Variants in UROD observed in about 807,000 individuals in gnomAD.
The protein encoded by UROD is uroporphyrinogen III decarboxylase.
In UROD, 34 loss-of-function variants were observed where a neutral mutation model predicts 47.1. That is an observed-to-expected ratio of 0.72 (90% confidence interval 0.55 to 0.96). The LOEUF (loss-of-function observed/expected upper bound fraction) is 0.96, where lower values mean the gene tolerates loss of function less well. Ranked by LOEUF, UROD falls within the 40% of genes least tolerant of loss-of-function variation. UROD has a pLI of 0.00. For missense variants in UROD, 381 were observed against 471.8 expected (o/e 0.81, Z 1.78); for synonymous variants, 148 against 175.8 (o/e 0.84, Z 1.25).
Position 45,013,413 on chromosome 1 carries a change from T to C in UROD, c.276+59T>C, listed in dbSNP as rs1176887210. ...CAAGGACGCCTTGAAAATCCTTCTA[T>C]CAGTCCAGTCAAGGTTTACAATAAG... is the stretch of plus-strand genomic sequence containing the variant. On this transcript the variant is annotated intron_variant, in intron 4 of 9. Coordinates refer to ENST00000246337, the MANE Select transcript of UROD (RefSeq NM_000374.5). The surrounding 1 kb of genome is among the most constrained non-coding windows in gnomAD (Gnocchi z 4.2). The C allele has an allele frequency of 6.8e-6, 11 of 1,611,978 alleles. No homozygotes were observed. The highest frequency in any genetic ancestry group is 7.6e-6 in the Non-Finnish European group (9 of 1,178,250).
intron 9 of UROD, 25 bp downstream of exon 9, chr1:45,015,031 GTC>G: frequency 6.2e-7 from 1 of 1,612,766 alleles, no homozygotes; most frequent in Non-Finnish European, 8.5e-7. Context: ...CCCTCTGTGT[GTC>G]TGTTACTGTG....
At chr1:45,012,860 CCAGCGTAGCATACTGA>C in intron 1 of UROD, 31 bp from the exon 2 acceptor site, 1 of 1,610,216 alleles carries the variant, frequency 6.2e-7, no homozygotes, top group Non-Finnish European at 8.5e-7. Flanking sequence ...TCCCCAGCCT[CCAGCGTAGCATACTGA>C]CACCTACCCC....
intron 9 of UROD, 65 bp downstream of exon 9, chr1:45,015,071 C>T (rs1644838748): frequency 6.2e-7 from 1 of 1,606,116 alleles, no homozygotes; most frequent in African/African-American, 1.3e-5. Flanking sequence ...CTGTATTATT[C>T]TGTGTGCACT....
chr1:45,015,238 G>A, intron 9 of UROD, 99 bp from the exon 10 acceptor site: 1 of 1,527,542 alleles, frequency 6.5e-7, no homozygotes, highest in Non-Finnish European at 8.9e-7. Flanking sequence ...GAATAACACT[G>A]AGTAGAAGCA....
Position 45,013,762 on chromosome 1 carries a change from G to C in UROD, c.445G>C (p.Val149Leu). 16 of 1,614,190 alleles carry C rather than the reference G, an allele frequency of 9.9e-6. No individual in the cohort carries two copies. The highest frequency in any genetic ancestry group is 1.3e-5 in the Non-Finnish European group (15 of 1,180,038). ...TACCCGACAACGACTGGCTGGACGTGTGCCGCTGATTGGCTTTGCTGGTGC... is the reference window on the plus strand; with the variant it reads ...TACCCGACAACGACTGGCTGGACGTCTGCCGCTGATTGGCTTTGCTGGTGC... ...TLTRQRLAGRVPLIGFAGAPW... is the reference protein window; with the variant it reads ...TLTRQRLAGRLPLIGFAGAPW... Residue 149 changes from valine (V) to leucine (L), a missense_variant, in exon 5 of 10, where the codon GTG (valine) becomes CTG (leucine). By Grantham distance (32) the Val-to-Leu change is conservative. Coordinates refer to ENST00000246337, the MANE Select transcript of UROD (RefSeq NM_000374.5). The surrounding 1 kb of genome is among the most constrained non-coding windows in gnomAD (Gnocchi z 4.2).
Position 45,013,023 on chromosome 1 carries a change from A to C in UROD, c.133+4A>C. On this transcript the variant is annotated splice_donor_region_variant and intron_variant, in intron 2 of 9. Coordinates refer to ENST00000246337, the MANE Select transcript of UROD (RefSeq NM_000374.5). The surrounding 1 kb of genome is among the most constrained non-coding windows in gnomAD (Gnocchi z 4.2). ...CAGGCAGGCCGTTACTTACCAGGTA[A>C]GAGTCAGGGTCTGGAAATCTAGATA... The C allele has an allele frequency of 1.2e-6, 2 of 1,614,112 alleles. No individual in the cohort carries two copies. Among genetic ancestry groups the C allele is most frequent in the Non-Finnish European group, 1.7e-6 (2 of 1,179,990 alleles).
chr1:45,014,668 A>AAGTAC, intron 7 of UROD, 68 bp from the exon 8 acceptor site: 1 of 1,613,474 alleles, frequency 6.2e-7, no homozygotes. Flanking sequence ...AGGGCAGCAG[A>AAGTAC]AGTACAGTCA....
chr1:45,014,247 C>T, intron 6 of UROD, 177 bp downstream of exon 6: 2 of 1,286,652 alleles, frequency 1.6e-6, no homozygotes. Context: ...GCTTAATGCT[C>T]TAAGTATTCA....
At chr1:45,014,403 T>A in intron 6 of UROD, 36 bp from the exon 7 acceptor site, 1 of 1,613,918 alleles carries the variant, frequency 6.2e-7, no homozygotes, top group Non-Finnish European at 8.5e-7. Context: ...TTCCTCTTTG[T>A]GTGTTACATA....
chr1:45,013,472 G>A lies in UROD; in HGVS notation c.276+118G>A. The A allele has an allele frequency of 1.2e-6, 2 of 1,604,488 alleles. No individual in the cohort carries two copies. Among genetic ancestry groups the A allele is most frequent in the South Asian group, 2.2e-5 (2 of 90,716 alleles). On this transcript the variant is annotated intron_variant, in intron 4 of 9. Transcript: ENST00000246337. The surrounding 1 kb of genome is among the most constrained non-coding windows in gnomAD (Gnocchi z 4.2). ...CTAACTGGATCGAGGGAAAAACTAA[G>A]GTTGAAAGAAATGGAGTTTGGCAGA...
Position 45,014,573 on chromosome 1 carries a change from C to T in UROD, c.771C>T (p.Pro257=). ...GGGAGGCAGGCCTGGCACCAGTGCCCATGGTGAGGATTGGGATGGGTTGAG... is the reference window on the plus strand; with the variant it reads ...GGGAGGCAGGCCTGGCACCAGTGCCTATGGTGAGGATTGGGATGGGTTGAG... ...RLREAGLAPV[P]MIIFAKDGHF... Residue 257 remains proline (P), a synonymous_variant, in exon 7 of 10, where the codon CCC becomes CCT. Coordinates refer to ENST00000246337, the MANE Select transcript of UROD (RefSeq NM_000374.5). 1 of 1,614,168 alleles carries T rather than the reference C, an allele frequency of 6.2e-7. No individual in the cohort carries two copies. The highest frequency in any genetic ancestry group is 2.2e-5 in the East Asian group (1 of 44,880).
At position 45,014,800 on chromosome 1, in the gene UROD, T is replaced by C; in HGVS notation, c.839T>C (p.Val280Ala). 6.2e-7 allele frequency: 1 copy of C among 1,614,242 alleles called. No homozygotes were observed. The highest frequency in any genetic ancestry group is 1.7e-5 in the Admixed American group (1 of 60,032). ...CTGGCCCAAGCTGGCTATGAGGTGG[T>C]TGGGCTTGACTGGACAGTGGCCCCA... ...EELAQAGYEV[V>A]GLDWTVAPKK... The change falls in exon 8 of 10, where the codon GTT (valine) becomes GCT (alanine). Residue 280 changes from valine to alanine, a missense_variant. Physicochemically the swap from Val to Ala is moderately conservative, Grantham distance 64 (BLOSUM62 0). Transcript: ENST00000246337.
In UROD at chr1:45,014,748, A is replaced by G; in HGVS notation, c.787A>G (p.Lys263Glu). Residue 263 changes from lysine to glutamate, a missense_variant, in exon 8 of 10, where the codon AAG becomes GAG. Coordinates refer to ENST00000246337, the MANE Select transcript of UROD (RefSeq NM_000374.5). ...TGCTTTTTTCTAGATCATCTTTGCT[A>G]AGGATGGGCATTTTGCCCTGGAGGA... ...LAPVPMIIFA[K>E]DGHFALEELA... The G allele has an allele frequency of 6.2e-7, 1 of 1,614,214 alleles. No individual in the cohort carries two copies. The highest frequency in any genetic ancestry group is 8.5e-7 in the Non-Finnish European group (1 of 1,180,040).
chr1:45,014,008 C>T lies in UROD; in HGVS notation c.574C>T (p.Leu192Phe). Residue 192 changes from leucine to phenylalanine, a missense_variant, in exon 6 of 10, where the codon CTT becomes TTT. By Grantham distance (22) the Leu-to-Phe change is conservative. Transcript: ENST00000246337. Reference sequence around the variant, plus strand: ...GAGACCTCAGGCTAGTCACCAGCTGCTTCGCATCCTCACTGATGCTCTGGT... The same window carrying T: ...GAGACCTCAGGCTAGTCACCAGCTGTTTCGCATCCTCACTGATGCTCTGGT... ...YQRPQASHQL[L>F]RILTDALVPY... The T allele has an allele frequency of 6.2e-7, 1 of 1,614,248 alleles. No individual in the cohort carries two copies. Among genetic ancestry groups the T allele is most frequent in the Non-Finnish European group, 8.5e-7 (1 of 1,180,046 alleles).
In UROD at chr1:45,013,021, T is replaced by A. The variant is rs1569960134; in HGVS notation, c.133+2T>A. 6.2e-7 allele frequency: 1 copy of A among 1,613,966 alleles called. No homozygotes were observed. The highest frequency in any genetic ancestry group is 2.2e-5 in the East Asian group (1 of 44,874). On this transcript the variant is annotated splice_donor_variant, in intron 2 of 9. Transcript: ENST00000246337. LOFTEE classifies it high-confidence loss of function. This position sits in a 1 kb window ranked among gnomAD's most constrained non-coding sequence, Gnocchi z 4.2. ...GCCAGGCAGGCCGTTACTTACCAGG[T>A]AAGAGTCAGGGTCTGGAAATCTAGA...
Position 45,014,468 on chromosome 1 carries a change from G to T in UROD, c.666G>T (p.Gly222=). Residue 222 remains glycine, a synonymous_variant, in exon 7 of 10, where the codon GGG becomes GGT. Transcript: ENST00000246337. ...QALQLFESHA[G]HLGPQLFNKF... ...TGCAGCTGTTTGAGTCCCATGCAGG[G>T]CATCTTGGCCCACAGCTCTTCAACA... The T allele has an allele frequency of 3.1e-6, 5 of 1,614,176 alleles. No individual in the cohort carries two copies. Among genetic ancestry groups the T allele is most frequent in the Non-Finnish European group, 4.2e-6 (5 of 1,180,036 alleles).
In UROD at chr1:45,013,805, G is replaced by C. The variant is rs1210665433; in HGVS notation, c.474+14G>C. 6.2e-7 allele frequency: 1 copy of C among 1,614,184 alleles called. No homozygotes were observed. Among genetic ancestry groups the C allele is most frequent in the African/African-American group, 1.3e-5 (1 of 75,078 alleles). On this transcript the variant is annotated intron_variant, in intron 5 of 9. Transcript: ENST00000246337. This position sits in a 1 kb window ranked among gnomAD's most constrained non-coding sequence, Gnocchi z 4.2. ...GCTGGTGCCCCAGTAATGTGGGACA[G>C]GGCAGGGACTCGGGGCGCGGGGAGA...
intron 1 of UROD, 21 bp downstream of exon 1, chr1:45,012,306 G>A (rs2148981532): frequency 6.2e-7 from 1 of 1,614,098 alleles, no homozygotes; most frequent in Non-Finnish European, 8.5e-7. Context: ...CAGAGCACGC[G>A]GTGTGGCTAG....
At chr1:45,014,201 C>A in intron 6 of UROD, 131 bp downstream of exon 6, 1 of 1,451,128 alleles carries the variant, frequency 6.9e-7, no homozygotes, top group Non-Finnish European at 9.6e-7. Context: ...AGTGATCTAG[C>A]GGAGCAGCCA....
Sources: gnomAD v4.1 joint callset for allele counts on GRCh38, gnomAD v4.1.1 for gene constraint, Gnocchi (gnomAD v3.1) non-coding constraint, MANE v1.5 for transcripts, NCBI Gene and HGNC (gene_info 2026-07-23, HGNC 2026-07-21) for gene names.